The following CIT variants were observed in gnomAD, a reference collection of about 807,000 sequenced individuals.
CIT encodes the protein citron rho-interacting serine/threonine kinase.
Under a neutral mutation model 272.7 loss-of-function variants are expected in CIT, and 79 were observed. The observed-to-expected ratio is 0.29, with a 90% CI of 0.24 to 0.35. The LOEUF (loss-of-function observed/expected upper bound fraction) is 0.35, where lower values mean the gene tolerates loss of function less well. Among genes scored for constraint, CIT ranks in the 10% least tolerant of loss-of-function variants. The pLI, the probability that CIT is intolerant of heterozygous loss-of-function variation, is 1.00. For missense variants in CIT, 1,909 were observed against 2,618.3 expected, an observed-to-expected ratio of 0.73 and a Z score of 5.91; for synonymous variants, 948 against 995.6, an observed-to-expected ratio of 0.95 and a Z score of 0.90.
At chr12:119,750,443 T>C (rs1339234767) in intron 23 of CIT, among the ~76,000 whole-genome samples, 4 of 152,246 alleles carry the variant, frequency 2.6e-5, no homozygotes, top group Non-Finnish European at 4.4e-5. Flanking sequence ...CAAGACAGTA[T>C]ACACAAAGAC....
In CIT at chr12:119,822,092, A is replaced by G. The variant is rs537205741; in HGVS notation, c.1111+728T>C. Among the ~76,000 whole-genome samples, 145 of 152,370 alleles carry G rather than the reference A, an allele frequency of 9.5e-4. 1 individual carries two copies. Among genetic ancestry groups the G allele is most frequent in the Non-Finnish European group, 1.6e-3 (111 of 68,040 alleles). On this transcript the variant is annotated intron_variant, in intron 9 of 47. Transcript: ENST00000392521. ...AAAACAAAACACATACTCAAACAGG[A>G]TAACTGCTTTCCTACTGGCTCTAAT...
intron 2 of CIT, among the ~76,000 whole-genome samples, chr12:119,872,757 G>A (rs1244572889): frequency 6.6e-6 from 1 of 152,078 alleles, no homozygotes; most frequent in Admixed American, 6.6e-5. Context: ...CTTGGGCAAG[G>A]CCTTACCTAC....
intron 2 of CIT, among the ~76,000 whole-genome samples, chr12:119,869,787 A>G: frequency 6.6e-6 from 1 of 152,200 alleles, no homozygotes; most frequent in East Asian, 1.9e-4. Flanking sequence ...ATATTTCAAA[A>G]TCAGGAGATT....
chr12:119,767,471 A>G (rs1962582275), intron 18 of CIT, among the ~76,000 whole-genome samples: 1 of 152,264 alleles, frequency 6.6e-6, no homozygotes, highest in South Asian at 2.1e-4. Flanking sequence ...TCATCTTTGC[A>G]TAGAGAAATA....
intron 5 of CIT, among the ~76,000 whole-genome samples, chr12:119,843,896 T>C (rs533664371): frequency 2.0e-5 from 3 of 151,992 alleles, no homozygotes; most frequent in African/African-American, 2.4e-5. Flanking sequence ...AAGTGGCCAA[T>C]AGATAGGATG....
At position 119,694,755 on chromosome 12, in the gene CIT, C is replaced by T. The variant is rs567617423; in HGVS notation, c.5882+2904G>A. The stretch of plus-strand genomic sequence containing the variant: ...CCAGGAGGCGGAGGTTGCAGTGAGC[C>T]GAGATCACGCCACTGTGCTCCAGCC... On this transcript the variant is annotated intron_variant, in intron 46 of 47. Coordinates refer to ENST00000392521, the MANE Select transcript of CIT (RefSeq NM_001206999.2). This position sits in a 1 kb window ranked among gnomAD's most constrained non-coding sequence, Gnocchi z 4.5. 1.3e-3 allele frequency among the ~76,000 whole-genome samples: 191 copies of T among 152,010 alleles called. No individual in the cohort carries two copies. Among genetic ancestry groups the T allele is most frequent in the South Asian group, 1.0e-2 (48 of 4,810 alleles).
chr12:119,802,758 T>C (rs542159478), intron 10 of CIT, among the ~76,000 whole-genome samples: 1 of 152,328 alleles, frequency 6.6e-6, no homozygotes. Context: ...CTCTAGCTTA[T>C]GAGACAAGGT....
chr12:119,718,118 G>T lies in CIT; in HGVS notation c.4168+127C>A. 1 of 1,114,198 alleles carries T rather than the reference G, an allele frequency of 9.0e-7. No individual in the cohort carries two copies. Among genetic ancestry groups the T allele is most frequent in the South Asian group, 1.6e-5 (1 of 61,584 alleles). The allele number at this position is 1,114,198 out of a possible 1,614,324, so 69.0% of individuals were successfully genotyped here. A position where few individuals can be genotyped will look rare whatever the true frequency, so the allele number is the denominator to read the frequency against. ...GCCTCCCAAAGTGCTGGGGTTACAGGTGTGAGCCACCGTGCCTGGCCAAGA... is the reference window on the plus strand; with the variant it reads ...GCCTCCCAAAGTGCTGGGGTTACAGTTGTGAGCCACCGTGCCTGGCCAAGA... On this transcript the variant is annotated intron_variant, in intron 32 of 47. Transcript: ENST00000392521. The surrounding 1 kb of genome is among the most constrained non-coding windows in gnomAD (Gnocchi z 4.8).
At position 119,700,740 on chromosome 12, in the gene CIT, C is replaced by T. The variant is rs752778726; in HGVS notation, c.5623+5G>A. ...AGAGAAGCCCCCACACTGAGCCTCA[C>T]GTACCAAAGGCCAAAGGTAAGCGAC... On this transcript the variant is annotated splice_donor_5th_base_variant and intron_variant, in intron 44 of 47. Coordinates refer to ENST00000392521, the MANE Select transcript of CIT (RefSeq NM_001206999.2). 4 of 1,610,098 alleles carry T rather than the reference C, an allele frequency of 2.5e-6. No homozygotes were observed. The highest frequency in any genetic ancestry group is 3.4e-6 in the Non-Finnish European group (4 of 1,176,794).
At chr12:119,727,296 AT>A (rs1958167367) in intron 28 of CIT, among the ~76,000 whole-genome samples, 2 of 152,200 alleles carry the variant, frequency 1.3e-5, no homozygotes, top group Non-Finnish European at 2.9e-5. Context: ...GAAAATTCTA[AT>A]TTCAAAATAT....
chr12:119,847,216 C>G (rs1475443483), intron 5 of CIT, among the ~76,000 whole-genome samples: 2 of 152,168 alleles, frequency 1.3e-5, no homozygotes, highest in Non-Finnish European at 2.9e-5. Context: ...GATCTCCTGA[C>G]CTCCTGATCT....
rs766148400 is a variant in CIT at position 119,701,943 on chromosome 12, C to G, written c.5320G>C (p.Glu1774Gln). Reference protein sequence around the residue: ...YCIRKEIETSEPCSCIHFTNY... With the variant: ...YCIRKEIETSQPCSCIHFTNY... Reference sequence around the variant, plus strand: ...GTGAAGTGGATACAGCTGCAGGGCTCTGAGGTCTCTATCTCCTGAGACATG... The same window carrying G: ...GTGAAGTGGATACAGCTGCAGGGCTGTGAGGTCTCTATCTCCTGAGACATG... Residue 1774 changes from glutamate (E) to glutamine (Q), a missense_variant, in exon 42 of 48, where the codon GAG (glutamate) becomes CAG (glutamine). Glu to Gln is a conservative substitution (Grantham distance 29, BLOSUM62 2). Transcript: ENST00000392521. 6.2e-6 allele frequency: 10 copies of G among 1,613,276 alleles called. No individual in the cohort carries two copies. The highest frequency in any genetic ancestry group is 8.5e-6 in the Non-Finnish European group (10 of 1,179,298).
intron 47 of CIT, among the ~76,000 whole-genome samples, chr12:119,689,117 C>T (rs927206939): frequency 2.0e-5 from 3 of 151,486 alleles, no homozygotes; most frequent in Non-Finnish European, 4.4e-5. Context: ...AGTTCAAGGC[C>T]GTGGTGAGCT....
chr12:119,753,328 C>T (rs1157240160), intron 22 of CIT, among the ~76,000 whole-genome samples: 5 of 152,090 alleles, frequency 3.3e-5, no homozygotes, highest in African/African-American at 9.7e-5. Flanking sequence ...ACCCACATCC[C>T]GAAGCCCATA....
At chr12:119,783,809 T>G in intron 12 of CIT, 99 bp downstream of exon 12, 1 of 1,404,226 alleles carries the variant, frequency 7.1e-7, no homozygotes, top group Non-Finnish European at 9.6e-7. Context: ...TCTCTGCCAT[T>G]GGCTGTGATG....
intron 40 of CIT, among the ~76,000 whole-genome samples, chr12:119,705,546 C>T (rs536064580): frequency 1.2e-4 from 19 of 152,168 alleles, no homozygotes; most frequent in East Asian, 5.8e-4. Flanking sequence ...TTATGATTTA[C>T]ATATATGTTC....
In CIT at chr12:119,697,595, C is replaced by T; in HGVS notation, c.5882+64G>A. On this transcript the variant is annotated intron_variant, in intron 46 of 47. Coordinates refer to ENST00000392521, the MANE Select transcript of CIT (RefSeq NM_001206999.2). This position sits in a 1 kb window ranked among gnomAD's most constrained non-coding sequence, Gnocchi z 4.9. ...GAAACATTCTACTGGTTTAGTATCA[C>T]TTCCTTCTGCCTTGCAGAAAAGCAC... 2 of 1,507,370 alleles carry T rather than the reference C, an allele frequency of 1.3e-6. No individual in the cohort carries two copies. The highest frequency in any genetic ancestry group is 1.4e-5 in the African/African-American group (1 of 72,232). The allele number at this position is 1,507,370 out of a possible 1,614,324, so 93.4% of individuals were successfully genotyped here. A position where few individuals can be genotyped will look rare whatever the true frequency, so the allele number is the denominator to read the frequency against.
At chr12:119,852,323 A>G (rs1291684893) in intron 4 of CIT, among the ~76,000 whole-genome samples, 2 of 152,224 alleles carry the variant, frequency 1.3e-5, no homozygotes, top group African/African-American at 4.8e-5. Flanking sequence ...ATGAGAGTCC[A>G]GGAAAAATCA....
rs558902394 is a variant in CIT, at chr12:119,688,260, G to A, written c.6187-5C>T. ...TACTGAAGACTGGTCCCAGACCTAG[G>A]AGTGAAATAAGGAGGAGTGTTAGCC... is the stretch of plus-strand genomic sequence containing the variant. On this transcript the variant is annotated splice_polypyrimidine_tract_variant and splice_region_variant and intron_variant, in intron 47 of 47. Transcript: ENST00000392521. 16 of 1,590,734 alleles carry A rather than the reference G, an allele frequency of 1.0e-5. No individual in the cohort carries two copies. In the East Asian group the frequency reaches 3.3e-4, roughly 33 times the overall value.
Sources: allele counts gnomAD v4.1 joint callset (sites outside exome capture counted in the v4.1 genomes callset), GRCh38; gene constraint gnomAD v4.1.1; non-coding constraint Gnocchi (gnomAD v3.1); transcripts MANE v1.5; gene names NCBI Gene and HGNC (gene_info 2026-07-23, HGNC 2026-07-21).